FSD1L: variants seen among roughly 807,000 people sequenced by gnomAD.
FSD1L encodes fibronectin type III and SPRY domain containing 1 like.
Under a neutral mutation model 71.6 loss-of-function variants are expected in FSD1L, and 45 were observed. The observed-to-expected ratio is 0.63, with a 90% CI of 0.49 to 0.81. The LOEUF is 0.81. Ranked by LOEUF, FSD1L falls within the 30% of genes least tolerant of loss-of-function variation. FSD1L has a pLI of 0.00. For synonymous variants in FSD1L, 197 were observed against 207.2 expected (o/e 0.95, Z 0.42); for missense variants, 561 against 618.1 (o/e 0.91, Z 0.98).
In FSD1L at chr9:105,501,910, C is replaced by T. The variant is rs190739745; in HGVS notation, c.587-4489C>T. On this transcript the variant is annotated intron_variant, in intron 7 of 13. Coordinates refer to ENST00000481272, the MANE Select transcript of FSD1L (RefSeq NM_001145313.3). ...TTAGTTTTCCAGGTCAGTTAGGTTCCTATCATTCATCCCTTTGTGTTAGTT... is the reference window on the plus strand; with the variant it reads ...TTAGTTTTCCAGGTCAGTTAGGTTCTTATCATTCATCCCTTTGTGTTAGTT... 7.9e-5 allele frequency among the ~76,000 whole-genome samples: 12 copies of T among 152,208 alleles called. 1 individual carries two copies. In the East Asian group the frequency reaches 2.3e-3, roughly 29 times the overall value.
intron 5 of FSD1L, among the ~76,000 whole-genome samples, chr9:105,474,608 A>G (rs866299412): frequency 1.3e-5 from 2 of 152,248 alleles, no homozygotes; most frequent in Non-Finnish European, 2.9e-5. Context: ...GTCTAGCAGT[A>G]TATTGTTAGA....
chr9:105,486,110 G>A (rs1832535029), intron 7 of FSD1L, among the ~76,000 whole-genome samples: 1 of 151,856 alleles, frequency 6.6e-6, no homozygotes, highest in African/African-American at 2.4e-5. Flanking sequence ...ACTAATTTGT[G>A]TGATATAGAT....
chr9:105,498,305 G>A (rs1415491178), intron 7 of FSD1L, among the ~76,000 whole-genome samples: 1 of 151,174 alleles, frequency 6.6e-6, no homozygotes, highest in African/African-American at 2.4e-5. Context: ...TCAGTGGTGG[G>A]GATACATTCT....
At chr9:105,481,432 C>A (rs1191195973) in intron 6 of FSD1L, among the ~76,000 whole-genome samples, 1 of 149,884 alleles carries the variant, frequency 6.7e-6, no homozygotes, top group Non-Finnish European at 1.5e-5. Context: ...TTACAGGCAC[C>A]TGCCACCACA....
At position 105,550,332 on chromosome 9, in the gene FSD1L, G is replaced by A. The variant is rs1837215143; in HGVS notation, c.*3849G>A. Reference sequence around the variant, plus strand: ...CTGAAAAAGTTTCTTCTTTGATTATGTAGTTACTCTAGATACATTCTTTTA... The same window carrying A: ...CTGAAAAAGTTTCTTCTTTGATTATATAGTTACTCTAGATACATTCTTTTA... On this transcript the variant is annotated 3_prime_UTR_variant, in exon 14 of 14. Transcript: ENST00000481272. 2.0e-5 allele frequency: 3 copies of A among 151,990 alleles called. No individual in the cohort carries two copies. The allele number at this position is 151,990 out of a possible 1,614,324, so 9.4% of individuals were successfully genotyped here.
At position 105,512,905 on chromosome 9, in the gene FSD1L, A is replaced by G. The variant is rs958672864; in HGVS notation, c.994A>G (p.Ser332Gly). The change falls in exon 10 of 14, where the codon AGT (serine) becomes GGT (glycine). Residue 332 changes from serine to glycine, a missense_variant. Coordinates refer to ENST00000481272, the MANE Select transcript of FSD1L (RefSeq NM_001145313.3). ...TCCTACTGGAGGAAAAGGTCAAGAAAGTAAAATTAAAGGAAAAGAGAACAA... is the reference window on the plus strand; with the variant it reads ...TCCTACTGGAGGAAAAGGTCAAGAAGGTAAAATTAAAGGAAAAGAGAACAA... ...WDPTGGKGQE[S>G]KIKGKENKGR... The G allele has an allele frequency of 6.6e-5, 102 of 1,538,580 alleles. No homozygotes were observed. The highest frequency in any genetic ancestry group is 8.8e-5 in the Non-Finnish European group (101 of 1,142,152).
At chr9:105,454,284 T>C (rs931861944) in intron 1 of FSD1L, among the ~76,000 whole-genome samples, 1 of 152,246 alleles carries the variant, frequency 6.6e-6, no homozygotes, top group African/African-American at 2.4e-5. Flanking sequence ...TCCATATTAA[T>C]CATTCTACAA....
chr9:105,449,557 C>A (rs978689514), intron 1 of FSD1L, among the ~76,000 whole-genome samples: 1 of 152,178 alleles, frequency 6.6e-6, no homozygotes. Flanking sequence ...AGGAGCAAGT[C>A]ACTTAACTGT....
At chr9:105,474,511 T>C (rs1831668751) in intron 5 of FSD1L, among the ~76,000 whole-genome samples, 1 of 152,218 alleles carries the variant, frequency 6.6e-6, no homozygotes, top group Non-Finnish European at 1.5e-5. Flanking sequence ...AAGTTCACTT[T>C]CCTAGCCAGC....
chr9:105,486,652 G>A (rs2131721004), intron 7 of FSD1L, among the ~76,000 whole-genome samples: 1 of 152,244 alleles, frequency 6.6e-6, no homozygotes, highest in South Asian at 2.1e-4. Flanking sequence ...ATAGCTATCA[G>A]ATGTAGAACA....
At chr9:105,515,495 T>C (rs544841199) in intron 10 of FSD1L, among the ~76,000 whole-genome samples, 129 of 152,204 alleles carry the variant, frequency 8.5e-4, no homozygotes, top group African/African-American at 2.9e-3. Flanking sequence ...GTTCATCTCA[T>C]TGGGACTGGT....
intron 4 of FSD1L, among the ~76,000 whole-genome samples, chr9:105,469,729 G>T (rs1831323845): frequency 1.3e-5 from 2 of 149,598 alleles, no homozygotes; most frequent in African/African-American, 2.4e-5. Flanking sequence ...CCATTTTGTA[G>T]GCTACTTTTT....
At chr9:105,508,787 G>T in intron 9 of FSD1L, 72 bp downstream of exon 9, 1 of 876,522 alleles carries the variant, frequency 1.1e-6, no homozygotes, top group Non-Finnish European at 1.8e-6. Flanking sequence ...CTTTGTAACA[G>T]GAAGCACTTC....
At chr9:105,525,829 A>G in intron 10 of FSD1L, 1 of 1,605,742 alleles carries the variant, frequency 6.2e-7, no homozygotes, top group Non-Finnish European at 8.5e-7. Context: ...ACTACAAAAA[A>G]ACAAAAGCAC....
At chr9:105,539,082 A>G (rs1158300864) in intron 12 of FSD1L, among the ~76,000 whole-genome samples, 181 bp from the exon 13 acceptor site, 6 of 152,140 alleles carry the variant, frequency 3.9e-5, no homozygotes, top group African/African-American at 1.4e-4. Context: ...AGAAAATTGG[A>G]TTGGGCTTTT....
intron 9 of FSD1L, among the ~76,000 whole-genome samples, chr9:105,511,489 CCTGT>C (rs1295950937): frequency 2.6e-5 from 4 of 151,966 alleles, no homozygotes; most frequent in African/African-American, 7.2e-5. Flanking sequence ...CTTTTGGTAA[CCTGT>C]CTATTAAGGA....
Position 105,551,792 on chromosome 9 carries a change from T to G in FSD1L, c.*5309T>G, listed in dbSNP as rs560181249. 1.8e-4 allele frequency: 27 copies of G among 152,308 alleles called. No individual in the cohort carries two copies. Among genetic ancestry groups the G allele is most frequent in the African/African-American group, 5.0e-4 (21 of 41,586 alleles). The allele number at this position is 152,308 out of a possible 1,614,324, so 9.4% of individuals were successfully genotyped here. ...AGAATAGTGGCATAAATAAATGAAT[T>G]AAGCTACATTTCCATGCAGGCATTT... On this transcript the variant is annotated 3_prime_UTR_variant, in exon 14 of 14. Transcript: ENST00000481272.
intron 10 of FSD1L, among the ~76,000 whole-genome samples, chr9:105,516,318 CAAGCACAGAGTTCA>C (rs755224434): frequency 1.3e-5 from 2 of 152,174 alleles, no homozygotes; most frequent in Non-Finnish European, 2.9e-5. Flanking sequence ...AGCGGACCTC[CAAGCACAGAGTTCA>C]AGCTCTGCTA....
rs151095583 is a variant in FSD1L at position 105,484,937 on chromosome 9, T to C, written c.586+435T>C. Among the ~76,000 whole-genome samples the C allele has an allele frequency of 2.0e-5, 3 of 152,358 alleles. No individual in the cohort carries two copies. In the East Asian group the frequency reaches 5.8e-4, roughly 29 times the overall value. The stretch of plus-strand genomic sequence containing the variant: ...GATACCTCTAAAATATTTATAATAG[T>C]ACCTGCACATAGTTAAAATTCAGTG... On this transcript the variant is annotated intron_variant, in intron 7 of 13. Coordinates refer to ENST00000481272, the MANE Select transcript of FSD1L (RefSeq NM_001145313.3).
Sources: allele counts gnomAD v4.1 joint callset (sites outside exome capture counted in the v4.1 genomes callset), GRCh38; gene constraint gnomAD v4.1.1; transcripts MANE v1.5; gene names NCBI Gene and HGNC (gene_info 2026-07-23, HGNC 2026-07-21).